MPP2: variants seen among roughly 807,000 people sequenced by gnomAD.
MPP2 encodes MAGUK p55 scaffold protein 2, also known as MAGUK p55 subfamily member 2.
Under a neutral mutation model 58.5 loss-of-function variants are expected in MPP2, and 42 were observed. The observed-to-expected ratio is 0.72, with a 90% CI of 0.56 to 0.93. MPP2 has a LOEUF of 0.93. MPP2 is among the 40% of genes least tolerant of loss of function. The probability of loss-of-function intolerance (pLI) is 0.00; values close to 1 mark genes in which losing one functional copy is unlikely to be tolerated. For synonymous variants in MPP2, 300 were observed against 307.8 expected (o/e 0.97, Z 0.26); for missense variants, 632 against 760.4 (o/e 0.83, Z 1.99).
At chr17:43,900,582 G>T (rs944584787) in intron 2 of MPP2, 1 of 1,532,984 alleles carries the variant, frequency 6.5e-7, no homozygotes, top group Admixed American at 2.0e-5. Flanking sequence ...GACTCCCGGA[G>T]CGTCCTACAC....
Position 43,880,929 on chromosome 17 carries a change from A to C in MPP2, c.989-77T>G. The C allele has an allele frequency of 6.4e-7, 1 of 1,554,622 alleles. No homozygotes were observed. The highest frequency in any genetic ancestry group is 1.2e-5 in the South Asian group (1 of 82,290). ...CGGAGCTCTCAGGGAGGCTGAGGGC[A>C]AGAGGGCTTGGAACAGGGGAGCAGG... On this transcript the variant is annotated intron_variant, in intron 9 of 12. Transcript: ENST00000269095. The surrounding 1 kb of genome is among the most constrained non-coding windows in gnomAD (Gnocchi z 5.2).
intron 3 of MPP2, among the ~76,000 whole-genome samples, chr17:43,888,266 G>T: frequency 6.6e-6 from 1 of 152,256 alleles, no homozygotes; most frequent in Non-Finnish European, 1.5e-5. Context: ...ATCCTCTGCC[G>T]GGTGGGCAGC....
Position 43,903,483 on chromosome 17 carries a change from C to CA in MPP2, c.31+946dup, listed in dbSNP as rs563902559. 1.6e-3 allele frequency among the ~76,000 whole-genome samples: 244 copies of CA among 151,952 alleles called. 1 individual carries two copies. Among genetic ancestry groups the CA allele is most frequent in the African/African-American group, 5.6e-3 (234 of 41,442 alleles). On this transcript the variant is annotated intron_variant, in intron 2 of 12. Coordinates refer to ENST00000269095, the MANE Select transcript of MPP2 (RefSeq NM_005374.5). ...TCGAGGCGGGTGGAGTACTTGAGCT[C>CA]AGGAGTTTGAGACCAGCATGGGCAA...
At chr17:43,878,456 C>G (rs1353267389) in intron 12 of MPP2, among the ~76,000 whole-genome samples, 2 of 152,142 alleles carry the variant, frequency 1.3e-5, no homozygotes, top group Non-Finnish European at 2.9e-5. Context: ...CACCCTCGAC[C>G]CAGTGGAAGC....
intron 5 of MPP2, 150 bp from the exon 6 acceptor site, chr17:43,882,661 C>T: frequency 1.2e-6 from 1 of 832,034 alleles, no homozygotes. Context: ...AAATTCTTCA[C>T]TTACAGCAGG....
upstream of MPP2, among the ~76,000 whole-genome samples, chr17:43,908,881 G>A (rs1412867357): frequency 6.6e-6 from 1 of 152,148 alleles, no homozygotes; most frequent in Non-Finnish European, 1.5e-5. Flanking sequence ...AGAGGCGGCC[G>A]AACTGCTGAA....
chr17:43,883,393 C>T, intron 3 of MPP2, 38 bp from the exon 4 acceptor site: 1 of 1,590,262 alleles, frequency 6.3e-7, no homozygotes, highest in Non-Finnish European at 8.5e-7. Flanking sequence ...CTAGGAGCTT[C>T]CCCAGGAGCC....
At position 43,883,019 on chromosome 17, in the gene MPP2, T is replaced by C; in HGVS notation, c.337A>G (p.Lys113Glu). 1 of 1,613,892 alleles carries C rather than the reference T, an allele frequency of 6.2e-7. No homozygotes were observed. Among genetic ancestry groups the C allele is most frequent in the Non-Finnish European group, 8.5e-7 (1 of 1,179,918 alleles). Residue 113 changes from lysine to glutamate, a missense_variant, in exon 5 of 13, where the codon AAG becomes GAG. Coordinates refer to ENST00000269095, the MANE Select transcript of MPP2 (RefSeq NM_005374.5). ...CTGGGGGGTGGTGTCTCATAGGTCT[T>C]TGAGGCCACAGAGTCGTGCGTCTCC... ...LLETHDSVAS[K>E]TYETPPPSPG...
chr17:43,903,510 A>G (rs2048177120), intron 2 of MPP2, among the ~76,000 whole-genome samples: 1 of 151,800 alleles, frequency 6.6e-6, no homozygotes, highest in Non-Finnish European at 1.5e-5. Context: ...CATGGGCAAC[A>G]TTTTTGTCTT....
At position 43,880,862 on chromosome 17, in the gene MPP2, G is replaced by A. The variant is rs760281829; in HGVS notation, c.989-10C>T. 22 of 1,590,702 alleles carry A rather than the reference G, an allele frequency of 1.4e-5. 1 individual carries two copies. The East Asian group carries it at 4.5e-4, about 32-fold the overall frequency. On this transcript the variant is annotated splice_polypyrimidine_tract_variant and intron_variant, in intron 9 of 12. Transcript: ENST00000269095. This position sits in a 1 kb window ranked among gnomAD's most constrained non-coding sequence, Gnocchi z 5.2. ...TCATGACGGTCAAACTCTGGACACA[G>A]GGAGATGGCGCTGCTCACCAGGCTG...
At chr17:43,893,991 A>G (rs1314089382) in intron 3 of MPP2, among the ~76,000 whole-genome samples, 1 of 152,016 alleles carries the variant, frequency 6.6e-6, no homozygotes, top group African/African-American at 2.4e-5. Context: ...AGCACACGTA[A>G]TGGCCAGGCA....
chr17:43,900,538 TGG>T (rs1230452709), intron 2 of MPP2: 1 of 1,533,556 alleles, frequency 6.5e-7, no homozygotes, highest in African/African-American at 1.4e-5. Flanking sequence ...CCCCGCTGCC[TGG>T]GCTGCCTGCC....
chr17:43,879,364 C>A lies in MPP2; in HGVS notation c.1393G>T (p.Val465Leu), dbSNP rs371724565. ...VLRTAEFVPY[V>L]VFIEAPDFET... The stretch of plus-strand genomic sequence containing the variant: ...AAGTCTGGGGCCTCGATGAACACCA[C>A]GTAAGGGACAAACTCGGCCGTTCGT... Residue 465 changes from valine to leucine, a missense_variant, in exon 12 of 13, where the codon GTG (valine) becomes TTG (leucine). Physicochemically the swap from Val to Leu is conservative, Grantham distance 32. Transcript: ENST00000269095. The surrounding 1 kb of genome is among the most constrained non-coding windows in gnomAD (Gnocchi z 4.1). 2 of 1,614,180 alleles carry A rather than the reference C, an allele frequency of 1.2e-6. No homozygotes were observed. The highest frequency in any genetic ancestry group is 1.7e-6 in the Non-Finnish European group (2 of 1,180,018).
upstream of MPP2, among the ~76,000 whole-genome samples, chr17:43,909,137 G>T (rs1166640099): frequency 6.6e-6 from 1 of 152,058 alleles, no homozygotes; most frequent in African/African-American, 2.4e-5. Context: ...CATGATCTCG[G>T]CTCGTCGCAA....
At chr17:43,899,889 G>A (rs117590092) in intron 2 of MPP2, among the ~76,000 whole-genome samples, 1 of 152,280 alleles carries the variant, frequency 6.6e-6, no homozygotes, top group Non-Finnish European at 1.5e-5. Context: ...GTGCCCAGCT[G>A]GGGGCAGAGA....
At chr17:43,895,077 G>T (rs943334817) in intron 3 of MPP2, among the ~76,000 whole-genome samples, 3 of 152,104 alleles carry the variant, frequency 2.0e-5, no homozygotes, top group African/African-American at 7.2e-5. Context: ...AAATGAGGAA[G>T]GGGAGAGGCA....
intron 1 of MPP2, among the ~76,000 whole-genome samples, chr17:43,904,843 G>T (rs1342274568): frequency 1.3e-5 from 2 of 152,118 alleles, no homozygotes; most frequent in South Asian, 2.1e-4. Context: ...TTGTTTGTTT[G>T]TTTTTTGAAG....
upstream of MPP2, among the ~76,000 whole-genome samples, chr17:43,909,039 C>A (rs1314659092): frequency 6.6e-6 from 1 of 152,104 alleles, no homozygotes; most frequent in Non-Finnish European, 1.5e-5. Context: ...TATCTGCAAG[C>A]TAGAAAATCC....
At chr17:43,907,855 G>A (rs1886479587), upstream of MPP2, 1 of 985,406 alleles carries the variant, frequency 1.0e-6, no homozygotes, top group African/African-American at 1.7e-5. Flanking sequence ...TGATTACTCC[G>A]CCCACCCATC....
Sources: allele counts gnomAD v4.1 joint callset (sites outside exome capture counted in the v4.1 genomes callset), GRCh38; gene constraint gnomAD v4.1.1; non-coding constraint Gnocchi (gnomAD v3.1); transcripts MANE v1.5; gene names NCBI Gene and HGNC (gene_info 2026-07-23, HGNC 2026-07-21).